The following DPP10 variants were observed in gnomAD, a reference collection of about 807,000 sequenced individuals.
DPP10 encodes dipeptidyl peptidase like 10, also known as inactive dipeptidyl peptidase 10.
A neutral mutation model predicts 120.9 loss-of-function variants in DPP10; 33 were observed. The observed-to-expected ratio is 0.27, with a 90% CI of 0.21 to 0.37. The LOEUF (loss-of-function observed/expected upper bound fraction) is 0.37. DPP10 is among the 10% of genes least tolerant of loss of function. The pLI is 1.00. For synonymous variants in DPP10, 337 were observed against 326.1 expected (o/e 1.03, Z -0.36); for missense variants, 816 against 942.8 (o/e 0.87, Z 1.76).
intron 1 of DPP10, among the ~76,000 whole-genome samples, chr2:115,042,618 C>T (rs1396923): frequency 0.97 from 147,402 of 152,282 alleles, 71,545 homozygotes; most frequent in Middle Eastern, 1. Flanking sequence ...AGTGTTAGAG[C>T]TGAAATAGTT....
At chr2:114,885,842 C>T (rs548946433) in intron 1 of DPP10, among the ~76,000 whole-genome samples, 62 of 152,312 alleles carry the variant, frequency 4.1e-4, no homozygotes, top group African/African-American at 1.4e-3. Flanking sequence ...CTTCCACTTG[C>T]TATTTGTGTC....
chr2:115,445,363 G>A (rs554184540), intron 3 of DPP10, among the ~76,000 whole-genome samples: 1 of 152,280 alleles, frequency 6.6e-6, no homozygotes, highest in South Asian at 2.1e-4. Context: ...GAACAGTTGG[G>A]AGGGCTCAGA....
Position 114,663,668 on chromosome 2 carries a change from T to TAGAGAG in DPP10, c.60+220854_60+220859dup, listed in dbSNP as rs1553479098. Among the ~76,000 whole-genome samples, 459 of 80,636 alleles carry TAGAGAG rather than the reference T, an allele frequency of 5.7e-3. 3 individuals are homozygous for TAGAGAG. Among genetic ancestry groups the TAGAGAG allele is most frequent in the Middle Eastern group, 7.5e-3 (1 of 134 alleles). The allele number at this position is 80,636 out of a possible 152,430, so 52.9% of individuals were successfully genotyped here. A position where few individuals can be genotyped will look rare whatever the true frequency, so the allele number is the denominator to read the frequency against. ...ATATATATATATATATATATATATA[T>TAGAGAG]AGAGAGAGAGAGAGAGAGAGAGAGA... On this transcript the variant is annotated intron_variant, in intron 1 of 25. Transcript: ENST00000410059.
At position 115,729,901 on chromosome 2, in the gene DPP10, T is replaced by C. The variant is rs181477269; in HGVS notation, c.697+1965T>C. On this transcript the variant is annotated intron_variant, in intron 8 of 25. Transcript: ENST00000410059. Reference sequence around the variant, plus strand: ...ATTAGGAAGGAAAAATCTAAGCAGATGTAACAATTTGCAAAAACCCACAAG... The same window carrying C: ...ATTAGGAAGGAAAAATCTAAGCAGACGTAACAATTTGCAAAAACCCACAAG... Among the ~76,000 whole-genome samples, 382 of 152,232 alleles carry C rather than the reference T, an allele frequency of 2.5e-3. 1 individual carries two copies. Among genetic ancestry groups the C allele is most frequent in the Non-Finnish European group, 3.7e-3 (255 of 68,010 alleles).
intron 1 of DPP10, among the ~76,000 whole-genome samples, chr2:114,630,214 CCTTTA>C (rs1295693394): frequency 2.0e-5 from 3 of 151,972 alleles, no homozygotes; most frequent in African/African-American, 7.2e-5. Context: ...ATGAAAAATT[CCTTTA>C]CTTTAGACAA....
chr2:114,815,200 T>C (rs981708991), intron 1 of DPP10, among the ~76,000 whole-genome samples: 3 of 152,196 alleles, frequency 2.0e-5, no homozygotes, highest in African/African-American at 7.2e-5. Context: ...TACTTTTACT[T>C]ACATTTGCAT....
intron 1 of DPP10, among the ~76,000 whole-genome samples, chr2:115,163,713 A>G (rs1049142655): frequency 1.3e-5 from 2 of 152,176 alleles, no homozygotes; most frequent in Admixed American, 1.3e-4. Context: ...GAATGATGCT[A>G]CCAGTAAGAA....
chr2:115,486,722 T>C (rs1309364682), intron 3 of DPP10, among the ~76,000 whole-genome samples: 1 of 152,190 alleles, frequency 6.6e-6, no homozygotes, highest in African/African-American at 2.4e-5. Flanking sequence ...TGGGAAAATA[T>C]ATTTAAAATT....
chr2:114,965,353 T>C (rs1034273517), intron 1 of DPP10, among the ~76,000 whole-genome samples: 3 of 151,986 alleles, frequency 2.0e-5, no homozygotes, highest in Non-Finnish European at 4.4e-5. Flanking sequence ...GCCAGGATGG[T>C]CTCAAACTCC....
At chr2:115,434,311 G>T (rs543177570) in intron 3 of DPP10, among the ~76,000 whole-genome samples, 67 of 152,020 alleles carry the variant, frequency 4.4e-4, no homozygotes, top group Middle Eastern at 6.8e-3. Context: ...CTGATATCAT[G>T]GCCAGGTAAA....
At chr2:115,736,415 T>C (rs986402277) in intron 8 of DPP10, among the ~76,000 whole-genome samples, 2 of 152,138 alleles carry the variant, frequency 1.3e-5, no homozygotes, top group African/African-American at 2.4e-5. Context: ...GGGAACATGA[T>C]AAAATTAGTA....
intron 1 of DPP10, among the ~76,000 whole-genome samples, chr2:114,653,116 G>A (rs1027079328): frequency 6.6e-6 from 1 of 151,520 alleles, no homozygotes; most frequent in Non-Finnish European, 1.5e-5. Context: ...AGGTATGTCT[G>A]CATCTTGAAA....
chr2:115,314,510 A>G (rs567590426), intron 2 of DPP10, among the ~76,000 whole-genome samples: 1 of 152,294 alleles, frequency 6.6e-6, no homozygotes, highest in East Asian at 1.9e-4. Flanking sequence ...TTGCAGGTTT[A>G]TCAGAATATA....
intron 1 of DPP10, among the ~76,000 whole-genome samples, chr2:114,551,890 A>G (rs1413404404): frequency 6.6e-6 from 1 of 152,370 alleles, no homozygotes; most frequent in Non-Finnish European, 1.5e-5. Context: ...TGAGAAAAAT[A>G]AAACATAAAT....
At chr2:115,282,285 A>T (rs1198195039) in intron 1 of DPP10, among the ~76,000 whole-genome samples, 1 of 152,080 alleles carries the variant, frequency 6.6e-6, no homozygotes, top group Non-Finnish European at 1.5e-5. Context: ...TTTTATAATT[A>T]ACTATTACAA....
At chr2:115,317,092 C>A (rs2061831349) in intron 2 of DPP10, among the ~76,000 whole-genome samples, 1 of 152,054 alleles carries the variant, frequency 6.6e-6, no homozygotes, top group Admixed American at 6.6e-5. Context: ...TGACTCTGTC[C>A]AAAACAGTCT....
At chr2:115,768,451 C>A in intron 13 of DPP10, 47 bp downstream of exon 13, 1 of 1,531,786 alleles carries the variant, frequency 6.5e-7, no homozygotes, top group Non-Finnish European at 9.0e-7. Context: ...GTCCTCATGT[C>A]CCCGAAGGCC....
chr2:114,672,372 C>A (rs1698402572), intron 1 of DPP10, among the ~76,000 whole-genome samples: 1 of 152,160 alleles, frequency 6.6e-6, no homozygotes, highest in African/African-American at 2.4e-5. Context: ...TTTCTCCCCC[C>A]ATTTCCTTCC....
chr2:115,404,441 C>T (rs1003146186), intron 3 of DPP10, among the ~76,000 whole-genome samples: 4 of 152,102 alleles, frequency 2.6e-5, no homozygotes, highest in Non-Finnish European at 1.5e-5. Context: ...GGACAACATC[C>T]AAACTATATC....
Sources: gnomAD v4.1 joint callset for allele counts (sites outside exome capture counted in the v4.1 genomes callset) on GRCh38, gnomAD v4.1.1 for gene constraint, MANE v1.5 for transcripts, NCBI Gene and HGNC (gene_info 2026-07-23, HGNC 2026-07-21) for gene names.